Variants in TXNL4A observed in about 807,000 individuals in gnomAD.
TXNL4A encodes the protein thioredoxin-like protein 4A.
Under a neutral mutation model 14.6 loss-of-function variants are expected in TXNL4A, and 17 were observed. That is an observed-to-expected ratio of 1.16 (90% CI 0.80 to 1.74). The LOEUF is 1.74. TXNL4A is among the 40% of genes most tolerant of loss of function. The pLI, the probability that TXNL4A is intolerant of heterozygous loss-of-function variation, is 0.00. For missense variants in TXNL4A, 74 were observed against 195.2 expected (o/e 0.38, Z 3.70); for synonymous variants, 83 against 70.6 (o/e 1.18, Z -0.88).
At chr18:80,021,821 G>A (rs1023760284) in intron 1 of TXNL4A, among the ~76,000 whole-genome samples, 7 of 152,082 alleles carry the variant, frequency 4.6e-5, no homozygotes, top group African/African-American at 1.2e-4. Context: ...TTTTGGTTAC[G>A]GAAGAAGGTG....
intron 1 of TXNL4A, among the ~76,000 whole-genome samples, chr18:79,980,639 CAA>C (rs1230544330): frequency 1.3e-5 from 2 of 152,194 alleles, no homozygotes; most frequent in African/African-American, 2.4e-5. Flanking sequence ...CCACACTTCA[CAA>C]AGACTCCACT....
chr18:80,003,669 G>T (rs1338120607), intron 1 of TXNL4A, among the ~76,000 whole-genome samples: 9 of 152,152 alleles, frequency 5.9e-5, no homozygotes, highest in African/African-American at 2.2e-4. Context: ...TTATTTTATT[G>T]GAGATGGTGT....
intron 1 of TXNL4A, among the ~76,000 whole-genome samples, chr18:79,995,960 C>G (rs996572544): frequency 2.6e-5 from 4 of 151,872 alleles, no homozygotes; most frequent in African/African-American, 7.3e-5. Context: ...AAAAATTAGC[C>G]GGGCATGGTG....
rs373816540 is a variant in TXNL4A at position 79,971,518 on chromosome 18, CAG to C, written c.*2165_*2166del. ...AATTGTTCTGTATTTTTTGTAGAGA[CAG>C]GGTCTCACCAGGTTGCCCAGGCTGG... On this transcript the variant is annotated 3_prime_UTR_variant, in exon 3 of 3. Coordinates refer to ENST00000269601, the MANE Select transcript of TXNL4A (RefSeq NM_006701.5). The C allele has an allele frequency of 2.7e-4, 41 of 152,318 alleles. No homozygotes were observed. The highest frequency in any genetic ancestry group is 9.9e-4 in the African/African-American group (41 of 41,552). 9.4% of individuals were successfully genotyped at this position (152,318 alleles called of 1,614,324 possible). A position where few individuals can be genotyped will look rare whatever the true frequency, so the allele number is the denominator to read the frequency against.
intron 1 of TXNL4A, among the ~76,000 whole-genome samples, chr18:80,028,651 C>G (rs2051900848): frequency 6.6e-6 from 1 of 152,160 alleles, no homozygotes; most frequent in Non-Finnish European, 1.5e-5. Flanking sequence ...GTAATTAAAG[C>G]CGGTCCTCTT....
rs370673363 is a variant in TXNL4A, at chr18:80,023,476, G to C, written c.-61+10375C>G. Among the ~76,000 whole-genome samples the C allele has an allele frequency of 7.2e-5, 11 of 152,274 alleles. No individual in the cohort carries two copies. The East Asian group carries it at 2.1e-3, about 29-fold the overall frequency. ...TTCTTTCCAGGCAAAAGTTAGAGAG[G>C]TTTGGGGTTTGATAGGATGTCCCCA... is the stretch of plus-strand genomic sequence containing the variant. On this transcript the variant is annotated intron_variant, in intron 1 of 2. Coordinates refer to the TXNL4A transcript ENST00000585474.
At chr18:80,010,347 G>T (rs532789314) in intron 1 of TXNL4A, among the ~76,000 whole-genome samples, 1 of 151,934 alleles carries the variant, frequency 6.6e-6, no homozygotes, top group East Asian at 1.9e-4. Flanking sequence ...AGCTTGTCCC[G>T]GGACCTTGGC....
At chr18:79,984,382 A>T (rs1170840391) in intron 1 of TXNL4A, among the ~76,000 whole-genome samples, 1 of 123,768 alleles carries the variant, frequency 8.1e-6, no homozygotes, top group East Asian at 2.6e-4. Context: ...TCACTTGAGG[A>T]CAGGAGTTTG....
intron 1 of TXNL4A, chr18:79,986,819 T>C (rs1028819668): frequency 1.3e-5 from 13 of 963,242 alleles, no homozygotes; most frequent in Non-Finnish European, 1.6e-5. Flanking sequence ...GATTTACTTA[T>C]TGGGAAACTG....
chr18:79,988,245 C>T lies in TXNL4A; in HGVS notation c.148G>A (p.Glu50Lys). The T allele has an allele frequency of 6.4e-7, 1 of 1,552,618 alleles. No homozygotes were observed. The highest frequency in any genetic ancestry group is 8.8e-7 in the Non-Finnish European group (1 of 1,135,212). ...KMDEVLYSIA[E>K]KVKNFAVIYL... Reference sequence around the variant, plus strand: ...GGGAGAGTCCGGCGCGCTACCTTCTCGGCGATGCTGTACAGGACCTCGTCC... The same window carrying T: ...GGGAGAGTCCGGCGCGCTACCTTCTTGGCGATGCTGTACAGGACCTCGTCC... The change falls in exon 1 of 3, where the codon GAG (glutamate) becomes AAG (lysine). Residue 50 changes from glutamate to lysine, a missense_variant. Coordinates refer to ENST00000269601, the MANE Select transcript of TXNL4A (RefSeq NM_006701.5).
At chr18:80,033,379 T>A (rs1395729707) in intron 1 of TXNL4A, among the ~76,000 whole-genome samples, 2 of 152,024 alleles carry the variant, frequency 1.3e-5, no homozygotes, top group Non-Finnish European at 2.9e-5. Flanking sequence ...AACACTGCGG[T>A]CGCGCTCACT....
chr18:79,996,420 T>G (rs1473342616), intron 1 of TXNL4A, among the ~76,000 whole-genome samples: 1 of 152,212 alleles, frequency 6.6e-6, no homozygotes, highest in Non-Finnish European at 1.5e-5. Flanking sequence ...AACTCTCTCA[T>G]GTTTTAAGTC....
intron 2 of TXNL4A, chr18:79,977,274 T>C: frequency 2.6e-6 from 1 of 391,840 alleles, no homozygotes; most frequent in East Asian, 4.7e-5. Context: ...TTTGTGATTT[T>C]ACAACATTTT....
intron 1 of TXNL4A, among the ~76,000 whole-genome samples, chr18:80,028,017 T>C (rs1008998490): frequency 4.6e-5 from 7 of 152,206 alleles, no homozygotes; most frequent in Non-Finnish European, 8.8e-5. Flanking sequence ...TTGTGGACTC[T>C]TGAGGGACAA....
rs1348045429 is a variant in TXNL4A, at chr18:79,988,514, C to G, written c.-122G>C. On this transcript the variant is annotated 5_prime_UTR_variant, in exon 1 of 3. Transcript: ENST00000269601. Reference sequence around the variant, plus strand: ...CCCGGGCCCACGGACGAAATCCGGTCCCGCCCGCACACGCAAACTCCGCTG... The same window carrying G: ...CCCGGGCCCACGGACGAAATCCGGTGCCGCCCGCACACGCAAACTCCGCTG... The G allele has an allele frequency of 4.6e-6, 5 of 1,085,374 alleles. No homozygotes were observed. Among genetic ancestry groups the G allele is most frequent in the Non-Finnish European group, 5.9e-6 (5 of 849,196 alleles). 67.2% of individuals were successfully genotyped at this position (1,085,374 alleles called of 1,614,324 possible). A position where few individuals can be genotyped will look rare whatever the true frequency, so the allele number is the denominator to read the frequency against.
At chr18:80,002,686 C>T (rs971188508) in intron 1 of TXNL4A, among the ~76,000 whole-genome samples, 21 of 152,196 alleles carry the variant, frequency 1.4e-4, no homozygotes, top group South Asian at 4.1e-4. Context: ...AGGAAATCTC[C>T]GCCTTTTCCC....
intron 1 of TXNL4A, chr18:79,977,917 C>A (rs557139314): frequency 1.5e-5 from 8 of 549,234 alleles, no homozygotes; most frequent in Non-Finnish European, 1.9e-5. Flanking sequence ...TATCCTCCCA[C>A]CTCAGCCTCC....
intron 1 of TXNL4A, among the ~76,000 whole-genome samples, chr18:79,978,252 A>T (rs970072804): frequency 6.6e-6 from 1 of 152,166 alleles, no homozygotes; most frequent in African/African-American, 2.4e-5. Flanking sequence ...CATCTGTATG[A>T]ACCTTTACAA....
chr18:80,013,152 GCT>G (rs1391800684), intron 1 of TXNL4A, among the ~76,000 whole-genome samples: 22 of 149,538 alleles, frequency 1.5e-4, no homozygotes, highest in Non-Finnish European at 3.1e-4. Flanking sequence ...ACGGAGTCTG[GCT>G]CTGTCCCCCA....
Sources: gnomAD v4.1 joint callset for allele counts (sites outside exome capture counted in the v4.1 genomes callset) on GRCh38, gnomAD v4.1.1 for gene constraint, MANE v1.5 for transcripts, NCBI Gene and HGNC (gene_info 2026-07-23, HGNC 2026-07-21) for gene names.